The following LRP1B variants were observed in gnomAD, a reference collection of about 807,000 sequenced individuals.
The protein encoded by LRP1B is LDL receptor related protein 1B.
In LRP1B, 217 loss-of-function variants were observed where a neutral mutation model predicts 556.6. The ratio of observed to expected loss-of-function variants is 0.39; its 90% confidence interval spans 0.35 to 0.44. LRP1B has a LOEUF of 0.44. Among genes scored for constraint, LRP1B ranks in the 20% least tolerant of loss-of-function variants. The pLI is 1.00. For synonymous variants in LRP1B, 2,047 were observed against 1,865.8 expected (o/e 1.10, Z -2.50); for missense variants, 5,053 against 5,620.8 (o/e 0.90, Z 3.23).
At chr2:140,863,158 GTATATA>G in intron 27 of LRP1B, among the ~76,000 whole-genome samples, 1 of 151,302 alleles carries the variant, frequency 6.6e-6, no homozygotes, top group Non-Finnish European at 1.5e-5. Flanking sequence ...CTGTGTGTGT[GTATATA>G]TATATATGTG....
At chr2:141,229,885 A>T (rs952907142) in intron 5 of LRP1B, among the ~76,000 whole-genome samples, 1 of 152,312 alleles carries the variant, frequency 6.6e-6, no homozygotes, top group African/African-American at 2.4e-5. Flanking sequence ...TCATAAGCTT[A>T]AACAAAGAGT....
intron 3 of LRP1B, among the ~76,000 whole-genome samples, chr2:141,260,454 T>C (rs73962890): frequency 0.012 from 1,890 of 151,884 alleles, 36 homozygotes; most frequent in African/African-American, 0.044. Context: ...ATGCTGACCT[T>C]CCTTAGAGTG....
chr2:141,316,726 T>C (rs1259893305), intron 3 of LRP1B, among the ~76,000 whole-genome samples: 2 of 152,254 alleles, frequency 1.3e-5, no homozygotes, highest in Non-Finnish European at 2.9e-5. Flanking sequence ...AAGCAGAATC[T>C]GCACGCTGAC....
At chr2:140,502,828 G>T in intron 54 of LRP1B, 135 bp downstream of exon 54, 2 of 791,470 alleles carry the variant, frequency 2.5e-6, no homozygotes, top group East Asian at 2.6e-5. Context: ...CTAGTACCCT[G>T]CATGGTGTCA....
intron 1 of LRP1B, among the ~76,000 whole-genome samples, chr2:142,072,307 A>G (rs1044338263): frequency 7.9e-5 from 12 of 151,952 alleles, no homozygotes; most frequent in Non-Finnish European, 1.6e-4. Flanking sequence ...GGGATTCCTT[A>G]TTGCCCTTTG....
intron 3 of LRP1B, among the ~76,000 whole-genome samples, chr2:141,429,256 CTA>C (rs1680480081): frequency 6.6e-6 from 1 of 152,148 alleles, no homozygotes; most frequent in African/African-American, 2.4e-5. Context: ...TAATACTTCA[CTA>C]TTTTTCACTT....
At chr2:140,426,793 C>T (rs570197291) in intron 66 of LRP1B, among the ~76,000 whole-genome samples, 19 of 152,290 alleles carry the variant, frequency 1.2e-4, no homozygotes, top group South Asian at 8.3e-4. Flanking sequence ...TTCACATGGA[C>T]GTGCATGAAA....
chr2:140,836,886 C>G (rs1437032333), intron 31 of LRP1B, among the ~76,000 whole-genome samples: 3 of 152,186 alleles, frequency 2.0e-5, no homozygotes, highest in Non-Finnish European at 4.4e-5. Context: ...AGGTGCTTAA[C>G]CTTAAACTTG....
intron 2 of LRP1B, among the ~76,000 whole-genome samples, chr2:141,755,365 TAAATC>T (rs1387465491): frequency 6.6e-6 from 1 of 151,942 alleles, no homozygotes; most frequent in African/African-American, 2.4e-5. Context: ...TCAAAAACCT[TAAATC>T]AAAAGAAATA....
chr2:141,063,683 A>T (rs1699402815), intron 7 of LRP1B, among the ~76,000 whole-genome samples: 2 of 151,754 alleles, frequency 1.3e-5, no homozygotes, highest in African/African-American at 4.8e-5. Context: ...TTCCTCACTT[A>T]TAAATCAATT....
Position 141,452,548 on chromosome 2 carries a change from G to T in LRP1B, c.343+27848C>A, listed in dbSNP as rs552746574. Among the ~76,000 whole-genome samples the T allele has an allele frequency of 5.3e-5, 8 of 152,180 alleles. No homozygotes were observed. In the South Asian group the frequency reaches 1.7e-3, roughly 32 times the overall value. On this transcript the variant is annotated intron_variant, in intron 3 of 90. Coordinates refer to ENST00000389484, the MANE Select transcript of LRP1B (RefSeq NM_018557.3). The stretch of plus-strand genomic sequence containing the variant: ...GCAAATGTAGTATATCTTTTCATTA[G>T]CATGATTTTCTCAAAAAAGCTAGCA...
chr2:140,240,513 A>G (rs1680904397), intron 87 of LRP1B, among the ~76,000 whole-genome samples: 2 of 149,630 alleles, frequency 1.3e-5, no homozygotes, highest in Non-Finnish European at 1.5e-5. Context: ...GACCCACAGG[A>G]GAATACACCC....
At chr2:140,829,974 G>A (rs1005259665) in intron 31 of LRP1B, among the ~76,000 whole-genome samples, 30 of 151,826 alleles carry the variant, frequency 2.0e-4, no homozygotes, top group Admixed American at 1.6e-3. Flanking sequence ...GGACTATTAC[G>A]AACAACTAAA....
chr2:141,810,133 G>A lies in LRP1B; in HGVS notation c.205+146C>T, dbSNP rs1457791531. 888 of 446,960 alleles carry A rather than the reference G, an allele frequency of 2.0e-3. 8 individuals carry two copies. Among genetic ancestry groups the A allele is most frequent in the African/African-American group, 0.013 (527 of 41,166 alleles). The allele number at this position is 446,960 out of a possible 1,614,324, so 27.7% of individuals were successfully genotyped here. Reference sequence around the variant, plus strand: ...AAAGAAAAAGAAAGAAAGAAAGAAAGAAAGAAAGAAAGAAAGAAAGAAAGA... The same window carrying A: ...AAAGAAAAAGAAAGAAAGAAAGAAAAAAAGAAAGAAAGAAAGAAAGAAAGA... On this transcript the variant is annotated intron_variant, in intron 2 of 90. Transcript: ENST00000389484.
At chr2:140,891,217 C>T (rs756169467) in intron 23 of LRP1B, among the ~76,000 whole-genome samples, 4 of 152,102 alleles carry the variant, frequency 2.6e-5, no homozygotes, top group Non-Finnish European at 5.9e-5. Flanking sequence ...TTTTAGAAAA[C>T]ACTCAGAAGA....
At chr2:140,575,464 T>C (rs553898604) in intron 43 of LRP1B, among the ~76,000 whole-genome samples, 7 of 152,298 alleles carry the variant, frequency 4.6e-5, no homozygotes, top group Admixed American at 3.3e-4. Flanking sequence ...TGTTTTCCAA[T>C]AGAGTTAATG....
chr2:140,641,304 G>C (rs920873714), intron 41 of LRP1B, among the ~76,000 whole-genome samples: 4 of 152,298 alleles, frequency 2.6e-5, no homozygotes, highest in African/African-American at 9.6e-5. Context: ...CAATAGCAAT[G>C]AGTAAGGGTT....
intron 7 of LRP1B, among the ~76,000 whole-genome samples, chr2:141,185,685 A>AC (rs1310862859): frequency 1.3e-5 from 1 of 77,808 alleles, no homozygotes; most frequent in Non-Finnish European, 3.2e-5. Context: ...AAAACAAACA[A>AC]ACAAAAAAAA....
At chr2:140,263,719 CAT>C (rs1682053921) in intron 86 of LRP1B, among the ~76,000 whole-genome samples, 1 of 151,996 alleles carries the variant, frequency 6.6e-6, no homozygotes, top group African/African-American at 2.4e-5. Context: ...TTTCCAAAAA[CAT>C]GTGCCTCCTT....
Sources: allele counts gnomAD v4.1 joint callset (sites outside exome capture counted in the v4.1 genomes callset), GRCh38; gene constraint gnomAD v4.1.1; transcripts MANE v1.5; gene names NCBI Gene and HGNC (gene_info 2026-07-23, HGNC 2026-07-21).